CRYBG2: variants seen among roughly 807,000 people sequenced by gnomAD.
The protein encoded by CRYBG2 is beta/gamma crystallin domain-containing protein 2.
In CRYBG2, 106 loss-of-function variants were observed where a neutral mutation model predicts 153.4. The observed-to-expected ratio is 0.69, with a 90% CI of 0.59 to 0.81. The LOEUF is 0.81. Among genes scored for constraint, CRYBG2 ranks in the 30% least tolerant of loss-of-function variants. CRYBG2 has a pLI of 0.00. For missense variants in CRYBG2, 1,996 were observed against 2,112.0 expected (o/e 0.95, Z 1.08); for synonymous variants, 851 against 877.8 (o/e 0.97, Z 0.54).
At position 26,331,560 on chromosome 1, in the gene CRYBG2, C is replaced by T. The variant is rs773727165; in HGVS notation, c.4243G>A (p.Glu1415Lys). Residue 1415 changes from glutamate (E) to lysine (K), a missense_variant, in exon 15 of 20, where the codon GAG (glutamate) becomes AAG (lysine). Coordinates refer to ENST00000308182, the MANE Select transcript of CRYBG2 (RefSeq NM_001039775.4). ...EGDQHILSEG[E>K]FPTLTAMGCL... Reference sequence around the variant, plus strand: ...CCCATGGCCGTGAGAGTGGGGAACTCGCCCTCAGAGAGAATGTGCTGGTCA... The same window carrying T: ...CCCATGGCCGTGAGAGTGGGGAACTTGCCCTCAGAGAGAATGTGCTGGTCA... The T allele has an allele frequency of 4.3e-5, 69 of 1,614,006 alleles. No homozygotes were observed. Among genetic ancestry groups the T allele is most frequent in the Middle Eastern group, 1.6e-4 (1 of 6,082 alleles).
chr1:26,339,550 C>G (rs1185820801), intron 5 of CRYBG2, 121 bp from the exon 6 acceptor site: 1 of 1,027,568 alleles, frequency 9.7e-7, no homozygotes, highest in Non-Finnish European at 1.4e-6. Context: ...CAGTTCGAGA[C>G]CAGCTGACCA....
At position 26,346,591 on chromosome 1, in the gene CRYBG2, G is replaced by A. The variant is rs1280820718; in HGVS notation, c.67C>T (p.Arg23Trp). ...TCTTCCTGGGTGGGGGGCCGCTGCC[G>A]CCATGTCAATGTGGCACTTACCACT... ...ARVVSATLTWRQRPPTQEEIK... is the reference protein window; with the variant it reads ...ARVVSATLTWWQRPPTQEEIK... Residue 23 changes from arginine (R) to tryptophan (W), a missense_variant, in exon 2 of 20, where the codon CGG (arginine) becomes TGG (tryptophan). Coordinates refer to ENST00000308182, the MANE Select transcript of CRYBG2 (RefSeq NM_001039775.4). This position sits in a 1 kb window ranked among gnomAD's most constrained non-coding sequence, Gnocchi z 4.9. 6 of 1,590,922 alleles carry A rather than the reference G, an allele frequency of 3.8e-6. No individual in the cohort carries two copies. The highest frequency in any genetic ancestry group is 1.7e-4 in the Middle Eastern group (1 of 6,032).
chr1:26,346,175 G>C lies in CRYBG2; in HGVS notation c.483C>G (p.Leu161=). The C allele has an allele frequency of 6.4e-7, 1 of 1,567,168 alleles. No individual in the cohort carries two copies. The highest frequency in any genetic ancestry group is 8.6e-7 in the Non-Finnish European group (1 of 1,162,418). The change falls in exon 2 of 20, where the codon CTC becomes CTG. Residue 161 remains leucine, a synonymous_variant. Coordinates refer to ENST00000308182, the MANE Select transcript of CRYBG2 (RefSeq NM_001039775.4). This position sits in a 1 kb window ranked among gnomAD's most constrained non-coding sequence, Gnocchi z 4.9. ...REPSPHPGVG[L]TSGSSRSLEE... ...CGAGGCTCCGGGAGCTACCACTGGT[G>C]AGACCTACACCTGGGTGGGGACTTG...
intron 14 of CRYBG2, among the ~76,000 whole-genome samples, chr1:26,333,045 A>AAAAAAAAAAAAAAAAAAAAAAAAAC (rs2074016334): frequency 7.2e-6 from 1 of 138,736 alleles, no homozygotes; most frequent in African/African-American, 2.8e-5. Context: ...AAAAAAAAAA[A>AAAAAAAAAAAAAAAAAAAAAAAAAC]AGATTTCTAA....
chr1:26,350,772 C>A (rs1023644021), intron 1 of CRYBG2, among the ~76,000 whole-genome samples: 4 of 152,088 alleles, frequency 2.6e-5, no homozygotes, highest in African/African-American at 9.7e-5. Flanking sequence ...CCACGAACCC[C>A]AGAGAGGCCA....
intron 1 of CRYBG2, among the ~76,000 whole-genome samples, chr1:26,351,532 G>A (rs2074287070): frequency 6.6e-6 from 1 of 152,186 alleles, no homozygotes; most frequent in Non-Finnish European, 1.5e-5. Context: ...CAAGGAATTA[G>A]ACATAAAAAC....
At chr1:26,332,107 A>G (rs1379053382) in intron 14 of CRYBG2, among the ~76,000 whole-genome samples, 1 of 152,122 alleles carries the variant, frequency 6.6e-6, no homozygotes, top group African/African-American at 2.4e-5. Context: ...GGAGATCGAG[A>G]CCATCCTGGC....
At chr1:26,333,045 A>AAAAAAAAAAAAAAT (rs2074016334) in intron 14 of CRYBG2, among the ~76,000 whole-genome samples, 6 of 138,736 alleles carry the variant, frequency 4.3e-5, no homozygotes, top group Non-Finnish European at 7.7e-5. Context: ...AAAAAAAAAA[A>AAAAAAAAAAAAAAT]AGATTTCTAA....
chr1:26,348,674 G>A (rs1035731509), intron 1 of CRYBG2, among the ~76,000 whole-genome samples: 2 of 151,984 alleles, frequency 1.3e-5, no homozygotes, highest in East Asian at 3.9e-4. Context: ...TCCTGCCTCA[G>A]CCTCCCGAGT....
intron 6 of CRYBG2, 37 bp from the exon 7 acceptor site, chr1:26,338,514 G>A (rs774768164): frequency 8.4e-6 from 13 of 1,556,470 alleles, no homozygotes; most frequent in Non-Finnish European, 1.0e-5. Context: ...CCCTAGCAGA[G>A]AGACTTCAAG....
chr1:26,338,884 A>G (rs1019453983), intron 6 of CRYBG2, among the ~76,000 whole-genome samples: 5 of 152,164 alleles, frequency 3.3e-5, no homozygotes, highest in African/African-American at 9.7e-5. Flanking sequence ...TGCATGTGCT[A>G]TTCCCTCTGC....
intron 1 of CRYBG2, among the ~76,000 whole-genome samples, chr1:26,349,300 G>T (rs1485660346): frequency 6.6e-6 from 1 of 152,122 alleles, no homozygotes; most frequent in East Asian, 1.9e-4. Context: ...TTAAGAAACC[G>T]AGGGTCAGAG....
chr1:26,336,192 G>A lies in CRYBG2; in HGVS notation c.4087C>T (p.Arg1363Cys), dbSNP rs2074052193. The change falls in exon 14 of 20, where the codon CGC (arginine) becomes TGC (cysteine). Residue 1363 changes from arginine to cysteine, a missense_variant. Coordinates refer to ENST00000308182, the MANE Select transcript of CRYBG2 (RefSeq NM_001039775.4). This position sits in a 1 kb window ranked among gnomAD's most constrained non-coding sequence, Gnocchi z 4.9. ...AAGTGGTCGCCCAGAAAGTCGGGGC[G>A]GGAGAAAAGCTGAATCTGGAGGCAG... ...HFVSKIQLFS[R>C]PDFLGDHFSF... 1 of 1,552,646 alleles carries A rather than the reference G, an allele frequency of 6.4e-7. No individual in the cohort carries two copies. Among genetic ancestry groups the A allele is most frequent in the Non-Finnish European group, 8.7e-7 (1 of 1,146,294 alleles).
chr1:26,341,358 TCAAA>T (rs1279114956), intron 5 of CRYBG2, among the ~76,000 whole-genome samples: 4 of 151,560 alleles, frequency 2.6e-5, no homozygotes, highest in Admixed American at 1.3e-4. Flanking sequence ...AATAAAAAAA[TCAAA>T]CAAACCAAAA....
At position 26,346,781 on chromosome 1, in the gene CRYBG2, A is replaced by AC; in HGVS notation, c.-55-70dup. The AC allele has an allele frequency of 4.8e-6, 5 of 1,042,826 alleles. No homozygotes were observed. The highest frequency in any genetic ancestry group is 6.7e-6 in the Non-Finnish European group (5 of 744,292). 64.6% of individuals were successfully genotyped at this position (1,042,826 alleles called of 1,614,324 possible). On this transcript the variant is annotated intron_variant, in intron 1 of 19. Transcript: ENST00000308182. This position sits in a 1 kb window ranked among gnomAD's most constrained non-coding sequence, Gnocchi z 4.9. ...TGGCTTCCTAAAGTGCAGAATAACC[A>AC]CCCCTACCCAAGTCAGGCTGGGAAC...
In CRYBG2 at chr1:26,346,866, G is replaced by A. The variant is rs989504037; in HGVS notation, c.-55-154C>T. Reference sequence around the variant, plus strand: ...CTTTCTCATCTGTGAAATGGGCATGGTAGTCTCAGCTCTGATTTGGTTGAT... The same window carrying A: ...CTTTCTCATCTGTGAAATGGGCATGATAGTCTCAGCTCTGATTTGGTTGAT... On this transcript the variant is annotated intron_variant, in intron 1 of 19. Coordinates refer to ENST00000308182, the MANE Select transcript of CRYBG2 (RefSeq NM_001039775.4). The surrounding 1 kb of genome is among the most constrained non-coding windows in gnomAD (Gnocchi z 4.9). 1.3e-5 allele frequency among the ~76,000 whole-genome samples: 2 copies of A among 152,228 alleles called. No homozygotes were observed. The highest frequency in any genetic ancestry group is 4.8e-5 in the African/African-American group (2 of 41,460).
intron 1 of CRYBG2, among the ~76,000 whole-genome samples, chr1:26,347,351 T>C (rs1404573403): frequency 2.8e-5 from 4 of 141,608 alleles, no homozygotes; most frequent in Non-Finnish European, 4.5e-5. Context: ...TGGAGTGCAG[T>C]GGTATGATCT....
At chr1:26,335,055 C>G (rs2074037993) in intron 14 of CRYBG2, among the ~76,000 whole-genome samples, 1 of 151,858 alleles carries the variant, frequency 6.6e-6, no homozygotes, top group Non-Finnish European at 1.5e-5. Flanking sequence ...AGATTTTGGT[C>G]TCTACCATTT....
intron 17 of CRYBG2, among the ~76,000 whole-genome samples, chr1:26,326,463 G>A (rs1055037072): frequency 5.9e-5 from 9 of 151,528 alleles, no homozygotes; most frequent in African/African-American, 1.7e-4. Flanking sequence ...GCATGAACCC[G>A]GGAGGCAGAG....
Sources: gnomAD v4.1 joint callset for allele counts (sites outside exome capture counted in the v4.1 genomes callset) on GRCh38, gnomAD v4.1.1 for gene constraint, Gnocchi (gnomAD v3.1) non-coding constraint, MANE v1.5 for transcripts, NCBI Gene and HGNC (gene_info 2026-07-23, HGNC 2026-07-21) for gene names.